Variants in STAU1 observed in about 807,000 individuals in gnomAD.
The protein encoded by STAU1 is staufen double-stranded RNA binding protein 1.
In STAU1, 13 loss-of-function variants were observed where a neutral mutation model predicts 62.9. That is an observed-to-expected ratio of 0.21 (90% CI 0.13 to 0.33). STAU1 has a LOEUF of 0.33. Among genes scored for constraint, STAU1 ranks in the 10% least tolerant of loss-of-function variants. The pLI, the probability that STAU1 is intolerant of heterozygous loss-of-function variation, is 1.00. For synonymous variants in STAU1, 269 were observed against 265.1 expected (o/e 1.01, Z -0.14); for missense variants, 571 against 712.1 (o/e 0.80, Z 2.25).
intron 1 of STAU1, among the ~76,000 whole-genome samples, chr20:49,183,994 A>C (rs1303405245): frequency 6.6e-6 from 1 of 150,782 alleles, no homozygotes; most frequent in African/African-American, 2.4e-5. Context: ...CAATGGCACG[A>C]TAACCGCTCA....
the STAU1 span, among the ~76,000 whole-genome samples, chr20:49,215,563 T>G: frequency 1.3e-5 from 2 of 152,136 alleles, no homozygotes; most frequent in Non-Finnish European, 2.9e-5. Flanking sequence ...TAGAACAAAG[T>G]AGAATCTCAA....
Position 49,113,816 on chromosome 20 carries a change from C to T in STAU1, c.*1062G>A, listed in dbSNP as rs2092240445. 1 of 152,616 alleles carries T rather than the reference C, an allele frequency of 6.6e-6. No homozygotes were observed. Among genetic ancestry groups the T allele is most frequent in the African/African-American group, 2.4e-5 (1 of 41,440 alleles). 9.5% of individuals were successfully genotyped at this position (152,616 alleles called of 1,614,324 possible). On this transcript the variant is annotated 3_prime_UTR_variant, in exon 14 of 14. Transcript: ENST00000371856. Reference sequence around the variant, plus strand: ...TCACTCTGCAGGTTTATATGGACTACATGGAGATCATATCCTGTAGTGTAG... The same window carrying T: ...TCACTCTGCAGGTTTATATGGACTATATGGAGATCATATCCTGTAGTGTAG...
At chr20:49,135,537 A>G (rs948894684) in intron 6 of STAU1, among the ~76,000 whole-genome samples, 2 of 152,158 alleles carry the variant, frequency 1.3e-5, no homozygotes, top group African/African-American at 4.8e-5. Context: ...ACCCTTCCCT[A>G]TCCAGAAGAA....
chr20:49,114,243 CAAATG>C lies in STAU1; in HGVS notation c.*630_*634del, dbSNP rs1272186878. The C allele has an allele frequency of 6.5e-6, 1 of 152,674 alleles. No individual in the cohort carries two copies. Among genetic ancestry groups the C allele is most frequent in the African/African-American group, 2.4e-5 (1 of 41,532 alleles). 9.5% of individuals were successfully genotyped at this position (152,674 alleles called of 1,614,324 possible). A position where few individuals can be genotyped will look rare whatever the true frequency, so the allele number is the denominator to read the frequency against. On this transcript the variant is annotated 3_prime_UTR_variant, in exon 14 of 14. Transcript: ENST00000371856. ...TAACTAGATACAATTGAGAAATTCT[CAAATG>C]AAAATTTTATATAGTGTCATATCAA...
intron 3 of STAU1, among the ~76,000 whole-genome samples, chr20:49,161,627 C>T (rs1365307606): frequency 6.6e-6 from 1 of 152,186 alleles, no homozygotes. Context: ...CTGAAACAAA[C>T]TAACTCATTC....
At position 49,153,952 on chromosome 20, in the gene STAU1, C is replaced by T; in HGVS notation, c.325G>A (p.Gly109Arg). The T allele has an allele frequency of 6.3e-7, 1 of 1,598,674 alleles. No homozygotes were observed. Among genetic ancestry groups the T allele is most frequent in the Non-Finnish European group, 8.5e-7 (1 of 1,176,056 alleles). ...MQSTYNYNMR[G>R]GAYPPRYFYP... Reference sequence around the variant, plus strand: ...ACATACCTCGGGGGATAAGCACCTCCTCTCATGTTGTAGTTATAGGTGGAC... The same window carrying T: ...ACATACCTCGGGGGATAAGCACCTCTTCTCATGTTGTAGTTATAGGTGGAC... The change falls in exon 4 of 14, where the codon GGA becomes AGA. Residue 109 changes from glycine to arginine, a missense_variant. Gly to Arg is a moderately radical substitution (Grantham distance 125). Transcript: ENST00000371856.
chr20:49,123,044 G>A (rs771616999), intron 8 of STAU1, 48 bp downstream of exon 8: 2 of 1,526,250 alleles, frequency 1.3e-6, no homozygotes, highest in African/African-American at 2.8e-5. Context: ...AGCCCCCAAG[G>A]CTGGACGTGG....
the STAU1 span, among the ~76,000 whole-genome samples, chr20:49,217,742 G>A: frequency 1.3e-5 from 2 of 148,222 alleles, no homozygotes; most frequent in African/African-American, 4.9e-5. Context: ...AGCTACTCGG[G>A]AGGCTGAGGC....
In STAU1 at chr20:49,115,809, G is replaced by C; in HGVS notation, c.1691C>G (p.Pro564Arg). ...SELDQQSTEM[P>R]RTGNGPMSVC... ...AGACATTGGTCCGTTTCCTGTTCTT[G>C]GCATCTCTGTACTTTGTTGGTCCAA... The change falls in exon 13 of 14, where the codon CCA becomes CGA. Residue 564 changes from proline (P) to arginine (R), a missense_variant. Around this residue, in one of 3 missense-constraint regions of STAU1, gnomAD observed 156 missense variants for 194.7 expected, o/e 0.80. Transcript: ENST00000371856. The C allele has an allele frequency of 6.2e-7, 1 of 1,614,032 alleles. No individual in the cohort carries two copies. Among genetic ancestry groups the C allele is most frequent in the Non-Finnish European group, 8.5e-7 (1 of 1,179,984 alleles).
chr20:49,206,723 A>ATATATATATT, the STAU1 span, among the ~76,000 whole-genome samples: 3 of 37,030 alleles, frequency 8.1e-5, no homozygotes, highest in African/African-American at 1.8e-4. Flanking sequence ...GAAATTTTAT[A>ATATATATATT]TATATATATA....
At chr20:49,136,704 C>T (rs1274539911) in intron 5 of STAU1, among the ~76,000 whole-genome samples, 1 of 147,872 alleles carries the variant, frequency 6.8e-6, no homozygotes, top group East Asian at 2.0e-4. Flanking sequence ...CTGGAAACCA[C>T]TTTTTTTTTT....
intron 5 of STAU1, among the ~76,000 whole-genome samples, chr20:49,142,990 G>A (rs1465689331): frequency 1.3e-5 from 2 of 151,918 alleles, no homozygotes; most frequent in Non-Finnish European, 2.9e-5. Context: ...TGGTAGAGAT[G>A]AGGTCTCTCC....
At chr20:49,183,198 T>C (rs2093747577) in intron 1 of STAU1, among the ~76,000 whole-genome samples, 1 of 152,222 alleles carries the variant, frequency 6.6e-6, no homozygotes, top group African/African-American at 2.4e-5. Context: ...ATAGGTCTAG[T>C]GTGAAACAAA....
chr20:49,195,535 CAAAAA>C, the STAU1 span, among the ~76,000 whole-genome samples: 7 of 38,146 alleles, frequency 1.8e-4, no homozygotes, highest in East Asian at 2.6e-3. Context: ...GACTCCGTCT[CAAAAA>C]AAAAAAAAAA....
At position 49,114,055 on chromosome 20, in the gene STAU1, G is replaced by A. The variant is rs1490446517; in HGVS notation, c.*823C>T. 7 of 152,546 alleles carry A rather than the reference G, an allele frequency of 4.6e-5. No homozygotes were observed. Among genetic ancestry groups the A allele is most frequent in the Non-Finnish European group, 7.3e-5 (5 of 68,040 alleles). 9.4% of individuals were successfully genotyped at this position (152,546 alleles called of 1,614,324 possible). On this transcript the variant is annotated 3_prime_UTR_variant, in exon 14 of 14. Transcript: ENST00000371856. ...CTTATTCAAGGTTTTTGAAAGTCCA[G>A]GACTGTTTCAGCTGAACCAGAGGGC...
chr20:49,153,402 T>TAA lies in STAU1; in HGVS notation c.344+529_344+530dup, dbSNP rs34795501. On this transcript the variant is annotated intron_variant, in intron 4 of 13. Coordinates refer to ENST00000371856, the MANE Select transcript of STAU1 (RefSeq NM_017453.4). ...ATACGGAGACCCTGTCTCAATGAAT[T>TAA]AAAAAAAAAAAAAAGAGGCGCAGCC... is the stretch of plus-strand genomic sequence containing the variant. 5.7e-3 allele frequency among the ~76,000 whole-genome samples: 740 copies of TAA among 129,862 alleles called. 9 individuals carry two copies. Among genetic ancestry groups the TAA allele is most frequent in the African/African-American group, 0.017 (592 of 34,164 alleles). The allele number at this position is 129,862 out of a possible 152,430, so 85.2% of individuals were successfully genotyped here.
the STAU1 span, among the ~76,000 whole-genome samples, chr20:49,218,529 C>T: frequency 6.7e-6 from 1 of 149,848 alleles, no homozygotes; most frequent in Non-Finnish European, 1.5e-5. Context: ...CCAGCCAACA[C>T]GTTTTTAATT....
intron 1 of STAU1, among the ~76,000 whole-genome samples, chr20:49,186,826 C>G (rs1359044971): frequency 3.9e-5 from 6 of 151,948 alleles, no homozygotes; most frequent in Non-Finnish European, 8.8e-5. Flanking sequence ...AACTCCACCA[C>G]GCTCTTAACA....
At position 49,166,271 on chromosome 20, in the gene STAU1, A is replaced by G; in HGVS notation, c.-70T>C. 1 of 1,388,996 alleles carries G rather than the reference A, an allele frequency of 7.2e-7. No homozygotes were observed. Among genetic ancestry groups the G allele is most frequent in the South Asian group, 1.2e-5 (1 of 81,152 alleles). The allele number at this position is 1,388,996 out of a possible 1,614,324, so 86.0% of individuals were successfully genotyped here. A position where few individuals can be genotyped will look rare whatever the true frequency, so the allele number is the denominator to read the frequency against. On this transcript the variant is annotated 5_prime_UTR_variant, in exon 3 of 14. Transcript: ENST00000371856. The stretch of plus-strand genomic sequence containing the variant: ...AGTGCAGGTTAATTCAGTGCTATGA[A>G]GTCTAAAGTTCTACCTAAAAGTTGT...
Sources: gnomAD v4.1 joint callset for allele counts (sites outside exome capture counted in the v4.1 genomes callset) on GRCh38, gnomAD v4.1.1 for gene constraint, gnomAD v4.1.1 regional missense constraint, MANE v1.5 for transcripts, NCBI Gene and HGNC (gene_info 2026-07-23, HGNC 2026-07-21) for gene names.